TEAD4: variants seen among roughly 807,000 people sequenced by gnomAD.
The protein encoded by TEAD4 is TEA domain transcription factor 4, also known as transcriptional enhancer factor TEF-3.
In TEAD4, 36 loss-of-function variants were observed where a neutral mutation model predicts 52.4. That is an observed-to-expected ratio of 0.69 (90% CI 0.53 to 0.91). The LOEUF (loss-of-function observed/expected upper bound fraction) is 0.91. Ranked by LOEUF, TEAD4 falls within the 40% of genes least tolerant of loss-of-function variation. TEAD4 has a pLI of 0.00. For missense variants in TEAD4, 508 were observed against 583.9 expected (o/e 0.87, Z 1.34); for synonymous variants, 220 against 231.0 (o/e 0.95, Z 0.43).
intron 2 of TEAD4, among the ~76,000 whole-genome samples, chr12:2,979,369 C>G (rs944307225): frequency 1.3e-5 from 2 of 152,232 alleles, no homozygotes; most frequent in Non-Finnish European, 2.9e-5. Flanking sequence ...GACAGCACTT[C>G]CGCACTATGC....
At chr12:3,039,310 C>T (rs11836529) in intron 11 of TEAD4, among the ~76,000 whole-genome samples, 12,625 of 152,154 alleles carry the variant, frequency 0.083, 1,559 homozygotes, top group African/African-American at 0.27. Flanking sequence ...ATGGTGGATC[C>T]ACTTGGGCTC....
intron 10 of TEAD4, among the ~76,000 whole-genome samples, chr12:3,024,241 A>AT (rs1442134253): frequency 6.6e-6 from 1 of 151,866 alleles, no homozygotes; most frequent in Admixed American, 6.6e-5. Flanking sequence ...CGCCTGGCTA[A>AT]TTTTTTGTAT....
chr12:3,030,755 G>A (rs2098274975), intron 10 of TEAD4, among the ~76,000 whole-genome samples: 2 of 152,164 alleles, frequency 1.3e-5, no homozygotes, highest in African/African-American at 4.8e-5. Flanking sequence ...GTGCCACTTC[G>A]AAGGGGTCGG....
chr12:3,011,772 TCTC>T (rs2098260555), intron 4 of TEAD4, among the ~76,000 whole-genome samples: 1 of 152,128 alleles, frequency 6.6e-6, no homozygotes, highest in South Asian at 2.1e-4. Context: ...TTCAAGCGAT[TCTC>T]CTACCTCAGC....
chr12:2,986,309 A>AT (rs574328186), intron 2 of TEAD4, among the ~76,000 whole-genome samples: 7,832 of 149,310 alleles, frequency 0.052, 254 homozygotes, highest in Non-Finnish European at 0.076. Flanking sequence ...TTTTACAGTA[A>AT]TTTTTTTTTT....
intron 2 of TEAD4, among the ~76,000 whole-genome samples, chr12:2,976,960 C>T (rs1338857635): frequency 6.6e-6 from 1 of 152,202 alleles, no homozygotes. Flanking sequence ...TTTACCTCCC[C>T]TCTTGCTAGC....
intron 2 of TEAD4, among the ~76,000 whole-genome samples, chr12:2,978,060 G>A (rs1475788416): frequency 6.6e-6 from 1 of 152,066 alleles, no homozygotes; most frequent in Non-Finnish European, 1.5e-5. Flanking sequence ...TGTGACCTGG[G>A]GACTCTCCTG....
At position 2,994,167 on chromosome 12, in the gene TEAD4, C is replaced by T. The variant is rs543657510; in HGVS notation, c.-29-571C>T. 2.6e-5 allele frequency among the ~76,000 whole-genome samples: 4 copies of T among 152,276 alleles called. No individual in the cohort carries two copies. Among genetic ancestry groups the T allele is most frequent in the African/African-American group, 7.2e-5 (3 of 41,572 alleles). On this transcript the variant is annotated intron_variant, in intron 2 of 12. Coordinates refer to ENST00000359864, the MANE Select transcript of TEAD4 (RefSeq NM_003213.4). This position sits in a 1 kb window ranked among gnomAD's most constrained non-coding sequence, Gnocchi z 4.7. Reference sequence around the variant, plus strand: ...TCGGCTCACTGCAACCTCTGCTTCTCGGATTCAAGCGATTCTCCTTGTCTG... The same window carrying T: ...TCGGCTCACTGCAACCTCTGCTTCTTGGATTCAAGCGATTCTCCTTGTCTG...
At chr12:3,037,468 A>G (rs2098280124) in intron 10 of TEAD4, among the ~76,000 whole-genome samples, 1 of 152,208 alleles carries the variant, frequency 6.6e-6, no homozygotes, top group Non-Finnish European at 1.5e-5. Flanking sequence ...AGGATGAGAC[A>G]GGAGCAGCAT....
Position 3,013,259 on chromosome 12 carries a change from A to AT in TEAD4, c.354+1046dup, listed in dbSNP as rs77874270. Among the ~76,000 whole-genome samples, 1,113 of 132,016 alleles carry AT rather than the reference A, an allele frequency of 8.4e-3. 16 individuals carry two copies. The highest frequency in any genetic ancestry group is 0.033 in the Middle Eastern group (8 of 242). 86.6% of individuals were successfully genotyped at this position (132,016 alleles called of 152,430 possible). On this transcript the variant is annotated intron_variant, in intron 5 of 12. Transcript: ENST00000359864. The stretch of plus-strand genomic sequence containing the variant: ...GAGCCACTGGGCCTGGCCTGCAAAC[A>AT]TTTTTTTTTTTTTTTTTTTAGCAAT...
intron 3 of TEAD4, 26 bp from the exon 4 acceptor site, chr12:3,010,978 C>T (rs370638095): frequency 7.9e-5 from 127 of 1,613,800 alleles, no homozygotes; most frequent in Non-Finnish European, 9.7e-5. Flanking sequence ...CTTCTCTCCA[C>T]TGAGAGGCTG....
At chr12:2,965,735 G>A (rs1399303040) in intron 2 of TEAD4, among the ~76,000 whole-genome samples, 6 of 151,970 alleles carry the variant, frequency 3.9e-5, no homozygotes, top group African/African-American at 1.4e-4. Context: ...TAGTAGAGAC[G>A]GGGTTTCACC....
chr12:2,999,327 C>T (rs1283658216), intron 3 of TEAD4, among the ~76,000 whole-genome samples: 1 of 152,168 alleles, frequency 6.6e-6, no homozygotes, highest in African/African-American at 2.4e-5. Context: ...AGGCCACCAG[C>T]CCCTTTCCAA....
intron 3 of TEAD4, among the ~76,000 whole-genome samples, chr12:3,000,602 C>A (rs1182094164): frequency 3.9e-5 from 6 of 152,188 alleles, no homozygotes; most frequent in Non-Finnish European, 8.8e-5. Context: ...CATACTGCCA[C>A]ATGGGGGATT....
Position 2,993,772 on chromosome 12 carries a change from C to T in TEAD4, c.-29-966C>T, listed in dbSNP as rs141258383. The stretch of plus-strand genomic sequence containing the variant: ...GGAGTATAGGCATGAGCCACTGTGC[C>T]TGGCCTAATGTGACTGCTTAGATAC... On this transcript the variant is annotated intron_variant, in intron 2 of 12. Transcript: ENST00000359864. Among the ~76,000 whole-genome samples, 1,451 of 152,306 alleles carry T rather than the reference C, an allele frequency of 9.5e-3. 14 individuals carry two copies. The highest frequency in any genetic ancestry group is 0.016 in the Non-Finnish European group (1,081 of 68,034).
At chr12:2,978,091 G>A (rs2098231201) in intron 2 of TEAD4, among the ~76,000 whole-genome samples, 1 of 152,040 alleles carries the variant, frequency 6.6e-6, no homozygotes, top group South Asian at 2.1e-4. Flanking sequence ...TTCTTTTCCA[G>A]CTGTAACCAG....
chr12:2,998,601 G>A lies in TEAD4; in HGVS notation c.226+3609G>A, dbSNP rs542814998. Among the ~76,000 whole-genome samples the A allele has an allele frequency of 1.1e-4, 17 of 151,990 alleles. No homozygotes were observed. In the East Asian group the frequency reaches 2.7e-3, roughly 24 times the overall value. On this transcript the variant is annotated intron_variant, in intron 3 of 12. Transcript: ENST00000359864. ...GCTGCTTCACTGTGCTTCATAACACGTCAGCGCTCCCAGCATCCTGGGCAT... is the reference window on the plus strand; with the variant it reads ...GCTGCTTCACTGTGCTTCATAACACATCAGCGCTCCCAGCATCCTGGGCAT...
chr12:3,019,245 C>G, intron 8 of TEAD4, 75 bp downstream of exon 8: 1 of 1,547,830 alleles, frequency 6.5e-7, no homozygotes, highest in Non-Finnish European at 8.9e-7. Flanking sequence ...CCCCCGGCAG[C>G]CGAACGCCTG....
At chr12:3,034,094 C>T (rs906461339) in intron 10 of TEAD4, among the ~76,000 whole-genome samples, 3 of 151,380 alleles carry the variant, frequency 2.0e-5, no homozygotes, top group South Asian at 4.1e-4. Flanking sequence ...TTTGTTCTCC[C>T]GATTATAAAT....
Sources: gnomAD v4.1 joint callset for allele counts (sites outside exome capture counted in the v4.1 genomes callset) on GRCh38, gnomAD v4.1.1 for gene constraint, Gnocchi (gnomAD v3.1) non-coding constraint, MANE v1.5 for transcripts, NCBI Gene and HGNC (gene_info 2026-07-23, HGNC 2026-07-21) for gene names.